Variants in PCCB observed in about 807,000 individuals in gnomAD.
PCCB encodes the protein propionyl-CoA carboxylase beta chain, mitochondrial.
A neutral mutation model predicts 60.7 loss-of-function variants in PCCB; 43 were observed. That is an observed-to-expected ratio of 0.71 (90% confidence interval 0.55 to 0.91). The LOEUF (loss-of-function observed/expected upper bound fraction) is 0.91. Among genes scored for constraint, PCCB ranks in the 40% least tolerant of loss-of-function variants. PCCB has a pLI of 0.00. For missense variants in PCCB, 766 were observed against 702.8 expected (o/e 1.09, Z -1.02); for synonymous variants, 276 against 255.9 (o/e 1.08, Z -0.75).
At chr3:136,297,259 C>T (rs759197632) in intron 7 of PCCB, among the ~76,000 whole-genome samples, 2 of 152,034 alleles carry the variant, frequency 1.3e-5, no homozygotes, top group South Asian at 2.1e-4. Context: ...AGACATGACA[C>T]GATCTGACTT....
Position 136,299,762 on chromosome 3 carries a change from A to G in PCCB, c.885-1268A>G, listed in dbSNP as rs547341700. 4.7e-4 allele frequency among the ~76,000 whole-genome samples: 70 copies of G among 150,210 alleles called. 2 individuals carry two copies. The South Asian group carries it at 9.6e-3, about 21-fold the overall frequency. ...TATGTATAGGTATGCATGTGTGTGT[A>G]TGTATAGGTATGCATGTGTATGTAT... On this transcript the variant is annotated intron_variant, in intron 8 of 14. Coordinates refer to ENST00000251654, the MANE Select transcript of PCCB (RefSeq NM_000532.5).
At chr3:136,271,944 T>C (rs1022114797) in intron 5 of PCCB, among the ~76,000 whole-genome samples, 1 of 152,216 alleles carries the variant, frequency 6.6e-6, no homozygotes, top group African/African-American at 2.4e-5. Flanking sequence ...GTTCCAGTTT[T>C]CAGGGGGAAT....
Position 136,307,050 on chromosome 3 carries a change from G to A in PCCB, c.966+5939G>A, listed in dbSNP as rs1056957749. Among the ~76,000 whole-genome samples, 10 of 122,714 alleles carry A rather than the reference G, an allele frequency of 8.1e-5. 2 individuals are homozygous for A. The highest frequency in any genetic ancestry group is 5.8e-4 in the Admixed American group (6 of 10,294). The allele number at this position is 122,714 out of a possible 152,430, so 80.5% of individuals were successfully genotyped here. ...TGGCATCCAACTTCTCCAAAGCAAC[G>A]TAGAAAAGCAAGGAAACAACAGAAA... is the stretch of plus-strand genomic sequence containing the variant. On this transcript the variant is annotated intron_variant, in intron 9 of 14. Transcript: ENST00000251654.
chr3:136,283,990 G>A, intron 6 of PCCB, 43 bp downstream of exon 6: 1 of 1,216,244 alleles, frequency 8.2e-7, no homozygotes, highest in Non-Finnish European at 1.2e-6. Flanking sequence ...TGAGATTTGT[G>A]CAGTTCCTTA....
intron 9 of PCCB, among the ~76,000 whole-genome samples, chr3:136,305,689 C>G (rs1419362519): frequency 3.6e-5 from 4 of 109,652 alleles, no homozygotes; most frequent in African/African-American, 5.5e-5. Context: ...GCACAGGTTG[C>G]AATGAGCTGA....
chr3:136,321,365 C>T (rs1317424918), intron 10 of PCCB, among the ~76,000 whole-genome samples: 1 of 152,262 alleles, frequency 6.6e-6, no homozygotes, highest in Non-Finnish European at 1.5e-5. Context: ...TCTGTTTTCA[C>T]ACTGCTATAA....
At chr3:136,268,327 G>A (rs1942092417) in intron 5 of PCCB, among the ~76,000 whole-genome samples, 1 of 151,362 alleles carries the variant, frequency 6.6e-6, no homozygotes. Flanking sequence ...AAAAATATCA[G>A]TTGATCATAA....
In PCCB at chr3:136,305,001, A is replaced by G. The variant is rs112604694; in HGVS notation, c.966+3890A>G. Among the ~76,000 whole-genome samples, 2,017 of 120,204 alleles carry G rather than the reference A, an allele frequency of 0.017. 377 individuals are homozygous for G. The East Asian group carries it at 0.26, about 15-fold the overall frequency. The allele number at this position is 120,204 out of a possible 152,430, so 78.9% of individuals were successfully genotyped here. Reference sequence around the variant, plus strand: ...CACGGGCGCCAACCCAGCTTTTCCAATTTTTAAAAGAATTCCAGTCCTAAC... The same window carrying G: ...CACGGGCGCCAACCCAGCTTTTCCAGTTTTTAAAAGAATTCCAGTCCTAAC... On this transcript the variant is annotated intron_variant, in intron 9 of 14. Transcript: ENST00000251654.
chr3:136,300,109 C>A (rs911488309), intron 8 of PCCB, among the ~76,000 whole-genome samples: 1 of 150,820 alleles, frequency 6.6e-6, no homozygotes, highest in African/African-American at 2.4e-5. Context: ...TACATACATG[C>A]ATATCTACAC....
intron 13 of PCCB, 89 bp downstream of exon 13, chr3:136,327,821 A>G: frequency 9.4e-7 from 1 of 1,063,572 alleles, no homozygotes; most frequent in Non-Finnish European, 1.5e-6. Context: ...TGTTGGAGAG[A>G]GGCCAGGGCC....
chr3:136,299,291 T>C (rs1163789163), intron 8 of PCCB, among the ~76,000 whole-genome samples: 1 of 152,048 alleles, frequency 6.6e-6, no homozygotes, highest in Non-Finnish European at 1.5e-5. Context: ...CATATGTACG[T>C]ATATGCATAT....
intron 5 of PCCB, among the ~76,000 whole-genome samples, chr3:136,279,931 G>C (rs927113629): frequency 1.3e-5 from 2 of 152,190 alleles, no homozygotes; most frequent in African/African-American, 4.8e-5. Context: ...CTCCCAAAGT[G>C]CTGGGATTAC....
intron 9 of PCCB, among the ~76,000 whole-genome samples, chr3:136,314,681 A>AAC (rs1435821418): frequency 6.6e-6 from 1 of 150,870 alleles, no homozygotes; most frequent in African/African-American, 2.4e-5. Context: ...AAAACAAAAA[A>AAC]ACAAAACAAA....
At chr3:136,326,578 C>T (rs141734665) in intron 10 of PCCB, among the ~76,000 whole-genome samples, 2 of 152,348 alleles carry the variant, frequency 1.3e-5, no homozygotes, top group African/African-American at 2.4e-5. Flanking sequence ...TGTAGTGAGT[C>T]TGTAGTAGTC....
intron 1 of PCCB, chr3:136,251,098 T>G (rs559328063): frequency 2.5e-6 from 1 of 407,658 alleles, no homozygotes; most frequent in South Asian, 1.8e-5. Flanking sequence ...TCGAGCTCTT[T>G]AGGGCCTTAG....
chr3:136,260,205 C>T (rs1211931786), intron 3 of PCCB: 1 of 491,752 alleles, frequency 2.0e-6, no homozygotes, highest in Non-Finnish European at 3.7e-6. Flanking sequence ...TCCCGAGTAG[C>T]TGGGATTCCA....
At chr3:136,302,035 GA>G (rs1241696993) in intron 9 of PCCB, among the ~76,000 whole-genome samples, 2 of 152,184 alleles carry the variant, frequency 1.3e-5, no homozygotes, top group Non-Finnish European at 2.9e-5. Flanking sequence ...CCCAAAGCAG[GA>G]GAGCCTCGCA....
intron 6 of PCCB, among the ~76,000 whole-genome samples, chr3:136,291,705 C>T (rs1933697536): frequency 2.0e-5 from 3 of 152,172 alleles, no homozygotes; most frequent in African/African-American, 4.8e-5. Context: ...GATAAAACTT[C>T]AGCAGGTTAG....
intron 9 of PCCB, among the ~76,000 whole-genome samples, chr3:136,301,352 G>C (rs1934272836): frequency 6.6e-6 from 1 of 152,112 alleles, no homozygotes; most frequent in Non-Finnish European, 1.5e-5. Context: ...GTAAGGGCCA[G>C]CAGAGCTCAG....
Sources: allele counts gnomAD v4.1 joint callset (sites outside exome capture counted in the v4.1 genomes callset), GRCh38; gene constraint gnomAD v4.1.1; transcripts MANE v1.5; gene names NCBI Gene and HGNC (gene_info 2026-07-23, HGNC 2026-07-21).